Variants in GID4 observed in about 807,000 individuals in gnomAD.
GID4 encodes the protein glucose-induced degradation protein 4 homolog.
Under a neutral mutation model 32.4 loss-of-function variants are expected in GID4, and 7 were observed. The ratio of observed to expected loss-of-function variants is 0.22; its 90% confidence interval spans 0.12 to 0.41. GID4 has a LOEUF of 0.41. GID4 is among the 10% of genes least tolerant of loss of function. The pLI, the probability that GID4 is intolerant of heterozygous loss-of-function variation, is 1.00. For synonymous variants in GID4, 166 were observed against 170.0 expected, an observed-to-expected ratio of 0.98 and a Z score of 0.18; for missense variants, 309 against 400.0, an observed-to-expected ratio of 0.77 and a Z score of 1.94.
In GID4 at chr17:18,063,280, C is replaced by A. The variant is rs1047594889; in HGVS notation, c.839+1305C>A. 2.0e-5 allele frequency among the ~76,000 whole-genome samples: 3 copies of A among 151,358 alleles called. No homozygotes were observed. In the South Asian group the frequency reaches 6.3e-4, roughly 32 times the overall value. On this transcript the variant is annotated intron_variant, in intron 5 of 5. Coordinates refer to ENST00000268719, the MANE Select transcript of GID4 (RefSeq NM_024052.5). ...CAAAAATTAGCCAGGCGTGCTGGTA[C>A]GCACCTGTAGTTCCAGCTACTCAGG...
chr17:18,056,630 A>G, intron 3 of GID4: 1 of 1,441,180 alleles, frequency 6.9e-7, no homozygotes, highest in Non-Finnish European at 9.4e-7. Context: ...AGTGACACTC[A>G]GTTTTAGGCT....
chr17:18,056,062 C>T (rs1362803689), intron 3 of GID4, among the ~76,000 whole-genome samples: 5 of 152,100 alleles, frequency 3.3e-5, no homozygotes, highest in Non-Finnish European at 7.4e-5. Context: ...GCCATGTTGG[C>T]CAGGCTGGTC....
At chr17:18,044,032 C>T (rs1360493341) in intron 1 of GID4, among the ~76,000 whole-genome samples, 1 of 152,102 alleles carries the variant, frequency 6.6e-6, no homozygotes, top group Non-Finnish European at 1.5e-5. Flanking sequence ...CAGTTTTTTC[C>T]ATCTTTCTAA....
chr17:18,065,330 G>A lies in GID4; in HGVS notation c.*87G>A. Reference sequence around the variant, plus strand: ...AATTGTGTACCTGCCAGAACCAGGAGAAGTGTGTTCCTGTTTCTTCACGAG... The same window carrying A: ...AATTGTGTACCTGCCAGAACCAGGAAAAGTGTGTTCCTGTTTCTTCACGAG... On this transcript the variant is annotated 3_prime_UTR_variant, in exon 6 of 6. Transcript: ENST00000268719. 1.0e-6 allele frequency: 1 copy of A among 957,254 alleles called. No homozygotes were observed. The highest frequency in any genetic ancestry group is 1.3e-5 in the South Asian group (1 of 74,774). The allele number at this position is 957,254 out of a possible 1,614,324, so 59.3% of individuals were successfully genotyped here.
At chr17:18,040,799 A>T (rs2044791494) in intron 1 of GID4, among the ~76,000 whole-genome samples, 1 of 152,142 alleles carries the variant, frequency 6.6e-6, no homozygotes, top group South Asian at 2.1e-4. Flanking sequence ...GCTTCCTCTT[A>T]GTCTCTGGTA....
In GID4 at chr17:18,054,325, AT is replaced by A; in HGVS notation, c.606+93del. The A allele has an allele frequency of 6.5e-6, 5 of 767,352 alleles. No homozygotes were observed. In the South Asian group the frequency reaches 7.4e-5, roughly 11 times the overall value. 47.5% of individuals were successfully genotyped at this position (767,352 alleles called of 1,614,324 possible). A position where few individuals can be genotyped will look rare whatever the true frequency, so the allele number is the denominator to read the frequency against. On this transcript the variant is annotated intron_variant, in intron 3 of 5. Coordinates refer to ENST00000268719, the MANE Select transcript of GID4 (RefSeq NM_024052.5). ...CCAGAGACCTTGTCCCTTATTGAGGATTACTGGGGCTTTGCAACCAAGTAAA... is the reference window on the plus strand; with the variant it reads ...CCAGAGACCTTGTCCCTTATTGAGGATACTGGGGCTTTGCAACCAAGTAAA...
intron 1 of GID4, among the ~76,000 whole-genome samples, chr17:18,044,358 G>C (rs2044831973): frequency 6.6e-6 from 1 of 152,186 alleles, no homozygotes; most frequent in African/African-American, 2.4e-5. Context: ...GACCCTGCCA[G>C]CGTGAAAAAG....
chr17:18,054,663 A>G (rs542347217), intron 3 of GID4, among the ~76,000 whole-genome samples: 73 of 152,310 alleles, frequency 4.8e-4, no homozygotes, highest in African/African-American at 1.7e-3. Context: ...CTGCCTGCCC[A>G]CTGGCTTATC....
At position 18,061,567 on chromosome 17, in the gene GID4, A is replaced by C. The variant is rs745652241; in HGVS notation, c.709-278A>C. On this transcript the variant is annotated intron_variant, in intron 4 of 5. Coordinates refer to ENST00000268719, the MANE Select transcript of GID4 (RefSeq NM_024052.5). This position sits in a 1 kb window ranked among gnomAD's most constrained non-coding sequence, Gnocchi z 4.4. Reference sequence around the variant, plus strand: ...GAGTAGGTATTGATTTATATATTAGATGTTTCGGCCATGGTACCTTCTCTG... The same window carrying C: ...GAGTAGGTATTGATTTATATATTAGCTGTTTCGGCCATGGTACCTTCTCTG... Among the ~76,000 whole-genome samples, 11 of 152,072 alleles carry C rather than the reference A, an allele frequency of 7.2e-5. No individual in the cohort carries two copies. Among genetic ancestry groups the C allele is most frequent in the Non-Finnish European group, 1.3e-4 (9 of 68,016 alleles).
chr17:18,058,557 T>C (rs563259535), intron 3 of GID4, among the ~76,000 whole-genome samples: 1 of 152,354 alleles, frequency 6.6e-6, no homozygotes, highest in Non-Finnish European at 1.5e-5. Flanking sequence ...TTTTCTTAGC[T>C]TTCGTCTGTT....
chr17:18,040,360 C>G (rs936457088), intron 1 of GID4, among the ~76,000 whole-genome samples: 1 of 152,206 alleles, frequency 6.6e-6, no homozygotes, highest in African/African-American at 2.4e-5. Context: ...TGAGACATGT[C>G]CTCCTGCCCC....
chr17:18,056,935 C>T, intron 3 of GID4: 2 of 1,550,466 alleles, frequency 1.3e-6, no homozygotes, highest in Non-Finnish European at 1.7e-6. Context: ...CCACGTGGGA[C>T]TCCTGGAGCT....
rs1483210141 is a variant in GID4, at chr17:18,039,643, T to A, written c.179T>A (p.Leu60His). The change falls in exon 1 of 6, where the codon CTC becomes CAC. Residue 60 changes from leucine to histidine, a missense_variant. Coordinates refer to ENST00000268719, the MANE Select transcript of GID4 (RefSeq NM_024052.5). The surrounding 1 kb of genome is among the most constrained non-coding windows in gnomAD (Gnocchi z 5.3). ...CCCGGCCTCTCCCTCCCCGCCACCCTCCTCGGCTCCCGCGCGGCGGCGGCG... is the reference window on the plus strand; with the variant it reads ...CCCGGCCTCTCCCTCCCCGCCACCCACCTCGGCTCCCGCGCGGCGGCGGCG... Reference protein sequence around the residue: ...ARPGLSLPATLLGSRAAAAVP... With the variant: ...ARPGLSLPATHLGSRAAAAVP... The A allele has an allele frequency of 8.7e-6, 8 of 923,800 alleles. No individual in the cohort carries two copies. Among genetic ancestry groups the A allele is most frequent in the Non-Finnish European group, 1.0e-5 (8 of 802,818 alleles). The allele number at this position is 923,800 out of a possible 1,614,324, so 57.2% of individuals were successfully genotyped here.
chr17:18,061,124 C>T lies in GID4; in HGVS notation c.709-721C>T, dbSNP rs2045014410. On this transcript the variant is annotated intron_variant, in intron 4 of 5. Transcript: ENST00000268719. The surrounding 1 kb of genome is among the most constrained non-coding windows in gnomAD (Gnocchi z 4.4). ...TTAAATTTGTTTAAAAAGCAATGGG[C>T]TTGTTTTGCCTCCAAAGAATGTCTC... Among the ~76,000 whole-genome samples the T allele has an allele frequency of 6.6e-6, 1 of 152,134 alleles. No homozygotes were observed. The highest frequency in any genetic ancestry group is 1.5e-5 in the Non-Finnish European group (1 of 68,026).
chr17:18,054,315 C>A, intron 3 of GID4, 81 bp downstream of exon 3: 1 of 855,626 alleles, frequency 1.2e-6, no homozygotes. Flanking sequence ...GACCTTGTCC[C>A]TTATTGAGGA....
chr17:18,049,061 C>G (rs994374939), intron 2 of GID4, among the ~76,000 whole-genome samples: 15 of 152,020 alleles, frequency 9.9e-5, no homozygotes, highest in Non-Finnish European at 1.8e-4. Context: ...ATAGGCCAGG[C>G]ACAGTGGCTC....
chr17:18,050,941 C>T (rs1436727230), intron 2 of GID4, among the ~76,000 whole-genome samples: 1 of 152,206 alleles, frequency 6.6e-6, no homozygotes, highest in Non-Finnish European at 1.5e-5. Context: ...GCTTGAATTT[C>T]CTGTTCCTGC....
At chr17:18,051,819 A>C (rs1052888371) in intron 2 of GID4, among the ~76,000 whole-genome samples, 14 of 152,070 alleles carry the variant, frequency 9.2e-5, no homozygotes, top group Admixed American at 9.2e-4. Flanking sequence ...TCACGCCTGT[A>C]ATCCCAGCAC....
chr17:18,065,199 A>G lies in GID4; in HGVS notation c.859A>G (p.Thr287Ala), dbSNP rs752280108. The stretch of plus-strand genomic sequence containing the variant: ...TTGCAGGTATCAGTCCCTCAATCTA[A>G]CCCATGTTCCTGAACACAGTGCACC... ...SSEWYQSLNL[T>A]HVPEHSAPIY... is the part of the protein sequence containing the mutation. The change falls in exon 6 of 6, where the codon ACC becomes GCC. Residue 287 changes from threonine (T) to alanine (A), a missense_variant. Transcript: ENST00000268719. 4 of 1,613,702 alleles carry G rather than the reference A, an allele frequency of 2.5e-6. No homozygotes were observed. Among genetic ancestry groups the G allele is most frequent in the Non-Finnish European group, 8.5e-7 (1 of 1,179,768 alleles).
Sources: allele counts gnomAD v4.1 joint callset (sites outside exome capture counted in the v4.1 genomes callset), GRCh38; gene constraint gnomAD v4.1.1; non-coding constraint Gnocchi (gnomAD v3.1); transcripts MANE v1.5; gene names NCBI Gene and HGNC (gene_info 2026-07-23, HGNC 2026-07-21).